Variants in MAD1L1 observed in about 807,000 individuals in gnomAD.
The protein encoded by MAD1L1 is mitotic arrest deficient 1 like 1, also known as mitotic spindle assembly checkpoint protein MAD1.
MAD1L1 carries 95 observed loss-of-function variants against 96.9 expected under a neutral mutation model. The observed-to-expected ratio is 0.98, with a 90% CI of 0.83 to 1.16. MAD1L1 has a LOEUF of 1.16. Ranked by LOEUF, MAD1L1 falls within the 50% of genes most tolerant of loss-of-function variation. The probability of loss-of-function intolerance (pLI) is 0.00; values close to 1 mark genes in which losing one functional copy is unlikely to be tolerated. For synonymous variants in MAD1L1, 473 were observed against 396.6 expected (o/e 1.19, Z -2.29); for missense variants, 1,007 against 954.4 (o/e 1.06, Z -0.73).
At chr7:1,931,389 CTCTTTT>C (rs1194971297) in intron 17 of MAD1L1, among the ~76,000 whole-genome samples, 7 of 152,360 alleles carry the variant, frequency 4.6e-5, no homozygotes, top group Admixed American at 4.6e-4. Flanking sequence ...CTGGACTTTT[CTCTTTT>C]TAACTTTAGA....
rs71523284 is a variant in MAD1L1 at position 1,920,240 on chromosome 7, G to A, written c.1807+16447C>T. Among the ~76,000 whole-genome samples the A allele has an allele frequency of 8.6e-3, 1,301 of 150,980 alleles. 12 individuals carry two copies. Among genetic ancestry groups the A allele is most frequent in the Middle Eastern group, 0.024 (7 of 294 alleles). The stretch of plus-strand genomic sequence containing the variant: ...CCCTGTAACAAGCATCTCCGTGTGC[G>A]TGCGTGCGTGCGTGTGCATGTGCGT... On this transcript the variant is annotated intron_variant, in intron 17 of 18. Transcript: ENST00000265854.
At chr7:1,924,227 G>C (rs902507851) in intron 17 of MAD1L1, among the ~76,000 whole-genome samples, 1 of 152,212 alleles carries the variant, frequency 6.6e-6, no homozygotes, top group East Asian at 1.9e-4. Context: ...GTGCCACTAA[G>C]CTTGGTGTAG....
chr7:1,886,100 T>C (rs563605500), intron 18 of MAD1L1, among the ~76,000 whole-genome samples: 15 of 152,202 alleles, frequency 9.9e-5, no homozygotes, highest in Middle Eastern at 3.2e-3. Flanking sequence ...CCCGTGGGCA[T>C]GTTTACCTTC....
chr7:2,165,727 CCCCA>C (rs1790396369), intron 10 of MAD1L1, among the ~76,000 whole-genome samples: 1 of 144,454 alleles, frequency 6.9e-6, no homozygotes, highest in Non-Finnish European at 1.5e-5. Flanking sequence ...GTGGCAGACT[CCCCA>C]TCCCCAAGAG....
At chr7:1,979,727 A>C (rs1444800447) in intron 15 of MAD1L1, among the ~76,000 whole-genome samples, 1 of 152,208 alleles carries the variant, frequency 6.6e-6, no homozygotes, top group Non-Finnish European at 1.5e-5. Flanking sequence ...GCATGTCTGA[A>C]GCGGAGCCCA....
chr7:1,967,617 A>G (rs538125525), intron 15 of MAD1L1, among the ~76,000 whole-genome samples: 4 of 152,332 alleles, frequency 2.6e-5, no homozygotes, highest in South Asian at 2.1e-4. Context: ...CTGTGCTGCC[A>G]AGAGAAGGCT....
chr7:1,940,974 C>CCCTCCTCTTCCTCTCCGAGGCCTCAG (rs1778949836), intron 16 of MAD1L1, among the ~76,000 whole-genome samples: 1 of 114,150 alleles, frequency 8.8e-6, no homozygotes, highest in African/African-American at 3.6e-5. Flanking sequence ...GCAGGCCTCA[C>CCCTCCTCTTCCTCTCCGAGGCCTCAG]CCTCCTCTTC....
Position 2,209,542 on chromosome 7 carries a change from C to T in MAD1L1, c.986+3670G>A, listed in dbSNP as rs148864839. ...GGCCACAAGCCCCTCACATCCCCAT[C>T]GACCAAAACCCCAGTGTCAGCAAGC... On this transcript the variant is annotated intron_variant, in intron 10 of 18. Coordinates refer to ENST00000265854, the MANE Select transcript of MAD1L1 (RefSeq NM_001013836.2). 7.1e-3 allele frequency among the ~76,000 whole-genome samples: 1,086 copies of T among 152,334 alleles called. 9 individuals are homozygous for T. Among genetic ancestry groups the T allele is most frequent in the Middle Eastern group, 0.01 (3 of 294 alleles).
intron 10 of MAD1L1, among the ~76,000 whole-genome samples, chr7:2,165,030 G>A (rs971830786): frequency 6.6e-5 from 10 of 152,072 alleles, no homozygotes; most frequent in African/African-American, 2.4e-4. Context: ...CAGATTCAAC[G>A]AAACAAAAGG....
intron 17 of MAD1L1, among the ~76,000 whole-genome samples, chr7:1,906,287 C>T (rs1482926083): frequency 3.3e-5 from 5 of 152,204 alleles, no homozygotes; most frequent in Non-Finnish European, 4.4e-5. Flanking sequence ...GCTCCTGCTA[C>T]CCCGTCCAGG....
At chr7:2,048,250 G>A (rs927462142) in intron 12 of MAD1L1, among the ~76,000 whole-genome samples, 3 of 152,244 alleles carry the variant, frequency 2.0e-5, no homozygotes, top group African/African-American at 7.2e-5. Context: ...GTCGGGCAGC[G>A]GGGTAGGTGT....
At chr7:1,825,813 G>A (rs2076200931) in intron 18 of MAD1L1, among the ~76,000 whole-genome samples, 1 of 152,182 alleles carries the variant, frequency 6.6e-6, no homozygotes, top group African/African-American at 2.4e-5. Context: ...AGCAGGTGCT[G>A]CTGGGGGTTA....
intron 17 of MAD1L1, among the ~76,000 whole-genome samples, chr7:1,902,284 G>A (rs955938840): frequency 6.6e-6 from 1 of 152,198 alleles, no homozygotes; most frequent in East Asian, 1.9e-4. Context: ...ACAGTACTGA[G>A]GGCCGGGATG....
At chr7:2,063,173 G>A (rs192491171) in intron 12 of MAD1L1, among the ~76,000 whole-genome samples, 118 of 152,232 alleles carry the variant, frequency 7.8e-4, no homozygotes, top group Non-Finnish European at 1.3e-3. Flanking sequence ...TGTTCTATAT[G>A]ATCTTTGCAC....
chr7:2,213,563 A>G (rs1356787241), intron 9 of MAD1L1, among the ~76,000 whole-genome samples: 1 of 152,208 alleles, frequency 6.6e-6, no homozygotes. Context: ...GAGAAGGCAG[A>G]CAGCCTCAGA....
chr7:1,952,316 CCCGGCGGCCCGGTCCGGAG>C (rs1368256483), intron 16 of MAD1L1, among the ~76,000 whole-genome samples: 3 of 152,218 alleles, frequency 2.0e-5, no homozygotes, highest in African/African-American at 7.2e-5. Flanking sequence ...ACTCAGCCTC[CCCGGCGGCCCGGTCCGGAG>C]TGGGCGCTTC....
chr7:1,899,107 T>C (rs960023706), intron 17 of MAD1L1, among the ~76,000 whole-genome samples: 8 of 152,204 alleles, frequency 5.3e-5, no homozygotes, highest in African/African-American at 1.9e-4. Context: ...GACATGGCTC[T>C]AAGTGACTAT....
intron 18 of MAD1L1, among the ~76,000 whole-genome samples, chr7:1,895,836 C>G (rs575351958): frequency 2.0e-5 from 3 of 152,382 alleles, no homozygotes; most frequent in African/African-American, 7.2e-5. Context: ...TGGGCCAGGA[C>G]AGGCCGTGGT....
chr7:2,128,634 C>T (rs969341189), intron 11 of MAD1L1, among the ~76,000 whole-genome samples: 3 of 152,208 alleles, frequency 2.0e-5, no homozygotes, highest in Non-Finnish European at 2.9e-5. Flanking sequence ...GCAGAAAACA[C>T]GATGTGTCTG....
Sources: gnomAD v4.1 joint callset for allele counts (sites outside exome capture counted in the v4.1 genomes callset) on GRCh38, gnomAD v4.1.1 for gene constraint, MANE v1.5 for transcripts, NCBI Gene and HGNC (gene_info 2026-07-23, HGNC 2026-07-21) for gene names.